Variants in DCAF1 observed in about 807,000 individuals in gnomAD.
The protein encoded by DCAF1 is DDB1 and CUL4 associated factor 1.
A neutral mutation model predicts 128.0 loss-of-function variants in DCAF1; 15 were observed. That is an observed-to-expected ratio of 0.12 (90% CI 0.08 to 0.18). DCAF1 has a LOEUF of 0.18. Ranked by LOEUF, DCAF1 falls within the 10% of genes least tolerant of loss-of-function variation. The probability of loss-of-function intolerance (pLI) is 1.00; values close to 1 mark genes in which losing one functional copy is unlikely to be tolerated. For missense variants in DCAF1, 988 were observed against 1,649.5 expected (o/e 0.60, Z 6.95); for synonymous variants, 610 against 603.0 (o/e 1.01, Z -0.17).
At chr3:51,413,903 G>T in intron 20 of DCAF1, 47 bp downstream of exon 20, 1 of 1,404,710 alleles carries the variant, frequency 7.1e-7, no homozygotes, top group Non-Finnish European at 9.3e-7. Context: ...ATTAAGTGAA[G>T]GGGTAGAGCA....
chr3:51,403,389 C>T lies in DCAF1; in HGVS notation c.4219G>A (p.Glu1407Lys). The change falls in exon 24 of 25, where the codon GAA (glutamate) becomes AAA (lysine). Residue 1407 changes from glutamate (E) to lysine (K), a missense_variant. By Grantham distance (56) the Glu-to-Lys change is moderately conservative. Around this residue, in one of 11 missense-constraint regions of DCAF1, gnomAD observed 97 missense variants for 134.5 expected, o/e 0.72. Coordinates refer to ENST00000684031, the MANE Select transcript of DCAF1 (RefSeq NM_001387579.1). The stretch of plus-strand genomic sequence containing the variant: ...TCATCATCTTCTTCCTCCTGTTCTT[C>T]CTCTTCCTGGTAAGAAAGCGTAATG... ...DEDEEEDQEE[E>K]EQEEEDDDED... 1 of 1,552,140 alleles carries T rather than the reference C, an allele frequency of 6.4e-7. No individual in the cohort carries two copies. Among genetic ancestry groups the T allele is most frequent in the Non-Finnish European group, 8.7e-7 (1 of 1,147,104 alleles).
downstream of DCAF1, chr3:51,397,775 G>T (rs1028377873): frequency 6.0e-6 from 1 of 167,052 alleles, no homozygotes; most frequent in Non-Finnish European, 1.5e-5. Flanking sequence ...TCTTCTCTAT[G>T]GCCTGGCTAG....
At chr3:51,456,051 C>G (rs965317829) in intron 6 of DCAF1, among the ~76,000 whole-genome samples, 1 of 152,178 alleles carries the variant, frequency 6.6e-6, no homozygotes, top group East Asian at 1.9e-4. Flanking sequence ...GAGTGCCAGA[C>G]AGTAGGTGCA....
In DCAF1 at chr3:51,419,131, G is replaced by C. The variant is rs782544762; in HGVS notation, c.3237-255C>G. ...ATCCTAGCACTTTGGGAGGCCGAAG[G>C]GGGGGTATCAATTGAGGTCAGGAAT... On this transcript the variant is annotated intron_variant, in intron 15 of 24. Transcript: ENST00000684031. 3.3e-5 allele frequency among the ~76,000 whole-genome samples: 5 copies of C among 152,126 alleles called. No homozygotes were observed. In the East Asian group the frequency reaches 5.8e-4, roughly 18 times the overall value.
intron 15 of DCAF1, 54 bp downstream of exon 15, chr3:51,419,680 T>G: frequency 6.5e-7 from 1 of 1,536,960 alleles, no homozygotes; most frequent in African/African-American, 1.4e-5. Flanking sequence ...CCAGTTTGAT[T>G]TAAATAAAAG....
intron 3 of DCAF1, among the ~76,000 whole-genome samples, chr3:51,474,640 G>A (rs1705208528): frequency 6.6e-6 from 1 of 150,982 alleles, no homozygotes; most frequent in African/African-American, 2.4e-5. Context: ...TAAGAGACAG[G>A]GTCTCACTGT....
chr3:51,433,495 C>G (rs1172676094), intron 9 of DCAF1, among the ~76,000 whole-genome samples: 2 of 151,428 alleles, frequency 1.3e-5, no homozygotes, highest in Non-Finnish European at 2.9e-5. Context: ...GAGTTTTGCT[C>G]TTGTTGCCCA....
chr3:51,443,557 T>A (rs1231692394), intron 7 of DCAF1, among the ~76,000 whole-genome samples: 1 of 149,644 alleles, frequency 6.7e-6, no homozygotes, highest in African/African-American at 2.5e-5. Flanking sequence ...ATCACTGCAC[T>A]CCAACCCGGG....
intron 6 of DCAF1, among the ~76,000 whole-genome samples, chr3:51,456,780 G>A (rs889659614): frequency 1.5e-4 from 23 of 152,220 alleles, no homozygotes; most frequent in Non-Finnish European, 2.5e-4. Context: ...TGCAGCCACC[G>A]CTGCTGATAC....
At chr3:51,472,701 G>C (rs1383327813) in intron 3 of DCAF1, among the ~76,000 whole-genome samples, 5 of 149,332 alleles carry the variant, frequency 3.3e-5, no homozygotes, top group Non-Finnish European at 7.4e-5. Context: ...AGTTTCACTC[G>C]TTGCCCAGGC....
chr3:51,483,387 C>T (rs1706497765), intron 3 of DCAF1, among the ~76,000 whole-genome samples: 2 of 151,456 alleles, frequency 1.3e-5, no homozygotes, highest in Admixed American at 6.6e-5. Context: ...TTGCAGTGAG[C>T]CGAGATCACA....
intron 7 of DCAF1, 128 bp from the exon 8 acceptor site, chr3:51,442,025 A>C: frequency 8.1e-7 from 1 of 1,236,746 alleles, no homozygotes; most frequent in East Asian, 2.4e-5. Flanking sequence ...AATAGCAACA[A>C]TTTGATAAAT....
intron 8 of DCAF1, 92 bp from the exon 9 acceptor site, chr3:51,441,163 G>A: frequency 1.6e-6 from 2 of 1,278,388 alleles, no homozygotes; most frequent in Non-Finnish European, 2.2e-6. Flanking sequence ...CTAAAGAAAT[G>A]ATGCACCTCT....
intron 7 of DCAF1, 50 bp from the exon 8 acceptor site, chr3:51,441,947 A>C (rs1226318243): frequency 6.6e-7 from 1 of 1,525,266 alleles, no homozygotes; most frequent in East Asian, 2.2e-5. Flanking sequence ...ATTAAGGATT[A>C]AGTAATCCTT....
At chr3:51,438,704 T>C (rs1553637784) in intron 9 of DCAF1, among the ~76,000 whole-genome samples, 2 of 152,146 alleles carry the variant, frequency 1.3e-5, no homozygotes, top group Non-Finnish European at 2.9e-5. Flanking sequence ...TTCCACCTCC[T>C]GGGTTCAAGC....
intron 3 of DCAF1, among the ~76,000 whole-genome samples, chr3:51,473,191 G>A (rs1251390545): frequency 3.3e-5 from 5 of 149,746 alleles, no homozygotes; most frequent in Non-Finnish European, 5.9e-5. Context: ...CAGGAGAATC[G>A]CTTGAACCCA....
intron 2 of DCAF1, among the ~76,000 whole-genome samples, chr3:51,491,632 T>G (rs1707655190): frequency 6.6e-6 from 1 of 151,912 alleles, no homozygotes; most frequent in East Asian, 1.9e-4. Context: ...GCAGATAACT[T>G]GAGCAGGAGT....
At chr3:51,478,161 G>A (rs782434974) in intron 3 of DCAF1, among the ~76,000 whole-genome samples, 4 of 151,778 alleles carry the variant, frequency 2.6e-5, no homozygotes, top group Non-Finnish European at 5.9e-5. Flanking sequence ...GTGCCACCAC[G>A]CCTGGCTAAT....
intron 7 of DCAF1, among the ~76,000 whole-genome samples, chr3:51,442,266 C>T (rs549360721): frequency 6.6e-6 from 1 of 152,246 alleles, no homozygotes; most frequent in South Asian, 2.1e-4. Flanking sequence ...GTTTCTCAAA[C>T]TTTTATCTAC....
Sources: allele counts gnomAD v4.1 joint callset (sites outside exome capture counted in the v4.1 genomes callset), GRCh38; gene constraint gnomAD v4.1.1; regional missense constraint gnomAD v4.1.1; transcripts MANE v1.5; gene names NCBI Gene and HGNC (gene_info 2026-07-23, HGNC 2026-07-21).